Variants in LRBA observed in about 807,000 individuals in gnomAD.
The protein encoded by LRBA is LPS responsive beige-like anchor protein.
In LRBA, 176 loss-of-function variants were observed where a neutral mutation model predicts 330.0. The ratio of observed to expected loss-of-function variants is 0.53; its 90% CI spans 0.47 to 0.60. LRBA has a LOEUF of 0.60. Ranked by LOEUF, LRBA falls within the 20% of genes least tolerant of loss-of-function variation. The pLI, the probability that LRBA is intolerant of heterozygous loss-of-function variation, is 0.00. For synonymous variants in LRBA, 1,230 were observed against 1,193.0 expected, an observed-to-expected ratio of 1.03 and a Z score of -0.64; for missense variants, 3,259 against 3,444.8, an observed-to-expected ratio of 0.95 and a Z score of 1.35.
intron 47 of LRBA, among the ~76,000 whole-genome samples, chr4:150,388,605 T>C (rs1446123454): frequency 3.3e-5 from 5 of 152,208 alleles, no homozygotes; most frequent in African/African-American, 9.7e-5. Flanking sequence ...AGGATAGACA[T>C]TCTCATTCTA....
At chr4:150,433,964 T>C (rs11728077) in intron 46 of LRBA, among the ~76,000 whole-genome samples, 3 of 152,142 alleles carry the variant, frequency 2.0e-5, no homozygotes, top group African/African-American at 7.2e-5. Context: ...ACATAAGCAA[T>C]GTACTCTACA....
intron 16 of LRBA, among the ~76,000 whole-genome samples, chr4:150,893,762 G>A (rs1198838439): frequency 2.6e-5 from 4 of 151,978 alleles, no homozygotes; most frequent in Non-Finnish European, 1.5e-5. Flanking sequence ...TGCAAGCTCT[G>A]CATCCCGGGT....
intron 16 of LRBA, 36 bp from the exon 17 acceptor site, chr4:150,893,185 G>C (rs1264768015): frequency 8.3e-7 from 1 of 1,210,262 alleles, no homozygotes; most frequent in African/African-American, 1.5e-5. Context: ...TAAAAAATGA[G>C]GAAAAAACAA....
intron 2 of LRBA, among the ~76,000 whole-genome samples, chr4:150,996,791 T>C (rs1742696046): frequency 6.6e-6 from 1 of 152,084 alleles, no homozygotes; most frequent in Non-Finnish European, 1.5e-5. Flanking sequence ...AAATTCAAAA[T>C]CAAACAACCT....
chr4:150,841,778 G>A (rs552085538), intron 28 of LRBA, among the ~76,000 whole-genome samples: 41 of 151,842 alleles, frequency 2.7e-4, no homozygotes, highest in Non-Finnish European at 4.6e-4. Flanking sequence ...TCAGCCTCCC[G>A]AGTAGCTGGG....
intron 48 of LRBA, among the ~76,000 whole-genome samples, chr4:150,330,083 G>T (rs72953832): frequency 0.015 from 2,355 of 152,194 alleles, 48 homozygotes; most frequent in African/African-American, 0.049. Flanking sequence ...GTAATTAAAA[G>T]ATAAAAGCTA....
chr4:150,544,293 A>G (rs932007769), intron 40 of LRBA, among the ~76,000 whole-genome samples: 2 of 151,790 alleles, frequency 1.3e-5, no homozygotes, highest in African/African-American at 4.8e-5. Context: ...ATGCCCAGCT[A>G]ATTTTTGTAT....
intron 44 of LRBA, among the ~76,000 whole-genome samples, chr4:150,467,157 T>A (rs1053988034): frequency 6.6e-6 from 1 of 152,120 alleles, no homozygotes; most frequent in Non-Finnish European, 1.5e-5. Flanking sequence ...ATAACTGCAA[T>A]GGATTGAAAC....
At chr4:150,924,400 C>G (rs753933892) in intron 4 of LRBA, among the ~76,000 whole-genome samples, 1 of 152,084 alleles carries the variant, frequency 6.6e-6, no homozygotes, top group Non-Finnish European at 1.5e-5. Flanking sequence ...GTGGTCCCAG[C>G]TGCTTGGAAA....
At chr4:150,987,095 T>G (rs1466008927) in intron 2 of LRBA, among the ~76,000 whole-genome samples, 1 of 152,194 alleles carries the variant, frequency 6.6e-6, no homozygotes, top group East Asian at 1.9e-4. Context: ...TGTCTTCAGA[T>G]TTACATAAGA....
intron 44 of LRBA, among the ~76,000 whole-genome samples, chr4:150,441,621 G>T (rs958599621): frequency 9.2e-5 from 14 of 151,932 alleles, no homozygotes; most frequent in African/African-American, 3.4e-4. Flanking sequence ...CTTACATTTT[G>T]TAATTTATTA....
intron 47 of LRBA, among the ~76,000 whole-genome samples, chr4:150,384,753 C>CTT (rs34030435): frequency 4.2e-5 from 6 of 144,442 alleles, no homozygotes; most frequent in African/African-American, 1.0e-4. Flanking sequence ...ACTTTAATTT[C>CTT]TTTTTTTTTT....
intron 42 of LRBA, among the ~76,000 whole-genome samples, chr4:150,475,419 T>C (rs1756598967): frequency 1.3e-5 from 2 of 152,208 alleles, no homozygotes; most frequent in East Asian, 3.8e-4. Context: ...GGGCTTTTCT[T>C]TATGGAAAGA....
At chr4:150,669,150 T>G (rs1781828487) in intron 37 of LRBA, among the ~76,000 whole-genome samples, 1 of 152,182 alleles carries the variant, frequency 6.6e-6, no homozygotes, top group Non-Finnish European at 1.5e-5. Flanking sequence ...CTGAAAACTC[T>G]AAGAACTGAG....
At chr4:150,777,339 A>C (rs1035753789) in intron 34 of LRBA, among the ~76,000 whole-genome samples, 4 of 152,136 alleles carry the variant, frequency 2.6e-5, no homozygotes, top group Admixed American at 2.6e-4. Flanking sequence ...CTTTTTTATA[A>C]GTTTTGCTCT....
chr4:150,743,405 A>G (rs922638727), intron 35 of LRBA, among the ~76,000 whole-genome samples: 1 of 152,238 alleles, frequency 6.6e-6, no homozygotes, highest in Non-Finnish European at 1.5e-5. Context: ...CAAAATATAC[A>G]ATCATATAAG....
At chr4:150,963,143 T>A (rs1738353940) in intron 2 of LRBA, among the ~76,000 whole-genome samples, 1 of 148,184 alleles carries the variant, frequency 6.7e-6, no homozygotes, top group Non-Finnish European at 1.5e-5. Context: ...AACAATGAAT[T>A]TAATCCCTCT....
At chr4:150,966,817 T>C (rs1738954790) in intron 2 of LRBA, among the ~76,000 whole-genome samples, 2 of 152,186 alleles carry the variant, frequency 1.3e-5, no homozygotes, top group South Asian at 4.1e-4. Flanking sequence ...TTGCATGTCA[T>C]CCATCAGCAT....
intron 35 of LRBA, among the ~76,000 whole-genome samples, chr4:150,750,933 T>G (rs1280324595): frequency 6.7e-6 from 1 of 148,512 alleles, no homozygotes; most frequent in African/African-American, 2.5e-5. Context: ...AAAAAAGGAC[T>G]AAAAAAATCT....
Sources: allele counts gnomAD v4.1 joint callset (sites outside exome capture counted in the v4.1 genomes callset), GRCh38; gene constraint gnomAD v4.1.1; transcripts MANE v1.5; gene names NCBI Gene and HGNC (gene_info 2026-07-23, HGNC 2026-07-21).